The following TEK variants were observed in gnomAD, a reference collection of about 807,000 sequenced individuals.
TEK encodes the protein angiopoietin-1 receptor.
TEK carries 43 observed loss-of-function variants against 131.8 expected under a neutral mutation model. The observed-to-expected ratio is 0.33, with a 90% confidence interval of 0.26 to 0.42. TEK has a LOEUF of 0.42. TEK is among the 10% of genes least tolerant of loss of function. The pLI, the probability that TEK is intolerant of heterozygous loss-of-function variation, is 1.00. For missense variants in TEK, 1,162 were observed against 1,384.4 expected, an observed-to-expected ratio of 0.84 and a Z score of 2.55; for synonymous variants, 580 against 491.6, an observed-to-expected ratio of 1.18 and a Z score of -2.38.
chr9:27,221,820 CAGAA>C (rs1826095791), intron 21 of TEK, among the ~76,000 whole-genome samples: 2 of 152,074 alleles, frequency 1.3e-5, no homozygotes, highest in Non-Finnish European at 2.9e-5. Context: ...TTCCAAAAAC[CAGAA>C]TGCCTCTCCT....
At chr9:27,218,909 C>G (rs188145072) in intron 20 of TEK, 92 bp downstream of exon 20, 4 of 1,219,274 alleles carry the variant, frequency 3.3e-6, no homozygotes, top group Non-Finnish European at 4.9e-6. Flanking sequence ...CACAGGATGC[C>G]GTTTGTATGT....
In TEK at chr9:27,124,568, C is replaced by T. The variant is rs180840816; in HGVS notation, c.52+14926C>T. ...GTCAAGGGACGGGAAATACACTCTG[C>T]CCACAACGAGGCCAAAGCAGAAATG... On this transcript the variant is annotated intron_variant, in intron 1 of 22. Coordinates refer to ENST00000380036, the MANE Select transcript of TEK (RefSeq NM_000459.5). Among the ~76,000 whole-genome samples the T allele has an allele frequency of 9.3e-4, 141 of 152,336 alleles. 1 individual carries two copies. Among genetic ancestry groups the T allele is most frequent in the African/African-American group, 3.3e-3 (136 of 41,572 alleles).
At chr9:27,130,656 A>C (rs903762849) in intron 1 of TEK, among the ~76,000 whole-genome samples, 1 of 141,830 alleles carries the variant, frequency 7.1e-6, no homozygotes, top group East Asian at 2.0e-4. Flanking sequence ...TGCTCACTGC[A>C]ACCTCCGCTT....
intron 10 of TEK, 130 bp downstream of exon 10, chr9:27,190,820 C>A: frequency 1.5e-6 from 2 of 1,345,270 alleles, no homozygotes; most frequent in Non-Finnish European, 2.1e-6. Flanking sequence ...GCAGAGGATT[C>A]TGTTTCAGAG....
Position 27,109,571 on chromosome 9 carries a change from A to C in TEK, c.-20A>C. On this transcript the variant is annotated 5_prime_UTR_variant, in exon 1 of 23. An upstream start codon of the reference 5' UTR is lost. Transcript: ENST00000380036. ...CCTCATGCACATTTGTGGAAACTGG[A>C]TGGAGAGATTTGGGGAAGCATGGAC... The C allele has an allele frequency of 6.2e-7, 1 of 1,614,100 alleles. No individual in the cohort carries two copies. Among genetic ancestry groups the C allele is most frequent in the Non-Finnish European group, 8.5e-7 (1 of 1,179,950 alleles).
In TEK at chr9:27,221,795, C is replaced by CA. The variant is rs778197099; in HGVS notation, c.3200+1654dup. 4.9e-4 allele frequency among the ~76,000 whole-genome samples: 74 copies of CA among 152,308 alleles called. 1 individual carries two copies. The highest frequency in any genetic ancestry group is 7.2e-4 in the Admixed American group (11 of 15,298). ...CCACGAAGATGGAGAGAAACCAGTG[C>CA]AAAACCGCTGAAAATTCCAAAAACC... On this transcript the variant is annotated intron_variant, in intron 21 of 22. Transcript: ENST00000380036.
At chr9:27,226,058 A>G (rs1031562569) in intron 21 of TEK, among the ~76,000 whole-genome samples, 8 of 152,206 alleles carry the variant, frequency 5.3e-5, no homozygotes, top group Non-Finnish European at 1.2e-4. Context: ...TTAGAATAGC[A>G]ATCATTAAAA....
rs147810422 is a variant in TEK, at chr9:27,122,884, T to A, written c.52+13242T>A. ...CTGGCTAATACAGTGAAACCCTGTCTCTACTAAAAATACAAAAAATTAGCC... is the reference window on the plus strand; with the variant it reads ...CTGGCTAATACAGTGAAACCCTGTCACTACTAAAAATACAAAAAATTAGCC... On this transcript the variant is annotated intron_variant, in intron 1 of 22. Coordinates refer to ENST00000380036, the MANE Select transcript of TEK (RefSeq NM_000459.5). Among the ~76,000 whole-genome samples the A allele has an allele frequency of 4.5e-4, 68 of 151,164 alleles. 1 individual carries two copies. Among genetic ancestry groups the A allele is most frequent in the Middle Eastern group, 3.4e-3 (1 of 292 alleles).
At chr9:27,173,439 A>T in intron 6 of TEK, 77 bp downstream of exon 6, 1 of 1,583,226 alleles carries the variant, frequency 6.3e-7, no homozygotes, top group Non-Finnish European at 8.7e-7. Context: ...TGTCAATCAC[A>T]ACATCGGATA....
chr9:27,220,160 A>C lies in TEK; in HGVS notation c.3200+15A>C. ...GATGATGAGGTGTAAGTCAGGCCTC[A>C]TCCTGGGGCTATTTTGTCTTACCTT... On this transcript the variant is annotated intron_variant, in intron 21 of 22. Transcript: ENST00000380036. 6.2e-7 allele frequency: 1 copy of C among 1,612,930 alleles called. No individual in the cohort carries two copies. Among genetic ancestry groups the C allele is most frequent in the Non-Finnish European group, 8.5e-7 (1 of 1,179,584 alleles).
intron 6 of TEK, among the ~76,000 whole-genome samples, chr9:27,177,743 T>C (rs1824223180): frequency 1.3e-5 from 2 of 151,878 alleles, no homozygotes; most frequent in African/African-American, 4.8e-5. Context: ...AGAGTGAAAC[T>C]CCATCTCAAA....
intron 6 of TEK, among the ~76,000 whole-genome samples, chr9:27,176,899 T>C (rs1172452554): frequency 6.6e-6 from 1 of 152,232 alleles, no homozygotes; most frequent in African/African-American, 2.4e-5. Flanking sequence ...TCTATAAGTT[T>C]GACTTTTTCA....
At chr9:27,226,210 A>G (rs1000166474) in intron 21 of TEK, among the ~76,000 whole-genome samples, 1 of 152,196 alleles carries the variant, frequency 6.6e-6, no homozygotes, top group East Asian at 1.9e-4. Flanking sequence ...ATACCATTTG[A>G]CCCAGCCATC....
chr9:27,221,924 G>A (rs141532875), intron 21 of TEK, among the ~76,000 whole-genome samples: 691 of 152,206 alleles, frequency 4.5e-3, no homozygotes, highest in African/African-American at 0.015. Context: ...TCAGAAGGTG[G>A]GTAATAACAA....
chr9:27,119,280 G>T (rs964248989), intron 1 of TEK, among the ~76,000 whole-genome samples: 3 of 152,060 alleles, frequency 2.0e-5, no homozygotes, highest in African/African-American at 7.2e-5. Flanking sequence ...AGAAAATGAA[G>T]GTAACAGCAT....
At chr9:27,219,186 GT>G (rs1255921630) in intron 20 of TEK, among the ~76,000 whole-genome samples, 2 of 152,046 alleles carry the variant, frequency 1.3e-5, no homozygotes, top group Non-Finnish European at 2.9e-5. Flanking sequence ...CCTGATCCTA[GT>G]TTTATCAATA....
Position 27,172,228 on chromosome 9 carries a change from C to G in TEK, c.629-388C>G, listed in dbSNP as rs114276508. 6.4e-3 allele frequency among the ~76,000 whole-genome samples: 968 copies of G among 152,292 alleles called. 11 individuals carry two copies. The highest frequency in any genetic ancestry group is 0.022 in the African/African-American group (907 of 41,562). On this transcript the variant is annotated intron_variant, in intron 4 of 22. Coordinates refer to ENST00000380036, the MANE Select transcript of TEK (RefSeq NM_000459.5). ...ACACTTTGAAAACCACAGCTCCAGC[C>G]TGTAACCATACCTGCAGCTCCCTGG...
intron 1 of TEK, among the ~76,000 whole-genome samples, chr9:27,155,896 G>T (rs551138910): frequency 6.7e-6 from 1 of 150,292 alleles, no homozygotes. Context: ...TCTGCCTCCC[G>T]GGCTCAAATG....
intron 16 of TEK, among the ~76,000 whole-genome samples, chr9:27,210,856 C>T (rs1182662801): frequency 6.6e-6 from 1 of 152,138 alleles, no homozygotes; most frequent in Non-Finnish European, 1.5e-5. Flanking sequence ...TGGTGGCTCA[C>T]GCCTATAATC....
Sources: allele counts gnomAD v4.1 joint callset (sites outside exome capture counted in the v4.1 genomes callset), GRCh38; gene constraint gnomAD v4.1.1; transcripts MANE v1.5; gene names NCBI Gene and HGNC (gene_info 2026-07-23, HGNC 2026-07-21).